SORCS2: variants seen among roughly 807,000 people sequenced by gnomAD.
SORCS2 encodes the protein VPS10 domain-containing receptor SorCS2.
SORCS2 carries 100 observed loss-of-function variants against 141.6 expected under a neutral mutation model. That is an observed-to-expected ratio of 0.71 (90% CI 0.60 to 0.83). The LOEUF (loss-of-function observed/expected upper bound fraction) is 0.83, where lower values mean the gene tolerates loss of function less well. SORCS2 is among the 40% of genes least tolerant of loss of function. The probability of loss-of-function intolerance (pLI) is 0.00; values close to 1 mark genes in which losing one functional copy is unlikely to be tolerated. For synonymous variants in SORCS2, 789 were observed against 676.9 expected (o/e 1.17, Z -2.57); for missense variants, 1,646 against 1,560.2 (o/e 1.05, Z -0.93).
chr4:7,257,815 G>A (rs760002705), intron 1 of SORCS2, among the ~76,000 whole-genome samples: 18 of 152,202 alleles, frequency 1.2e-4, no homozygotes, highest in Admixed American at 4.6e-4. Flanking sequence ...TGCTTACCTG[G>A]CCTCCCTGGC....
intron 1 of SORCS2, among the ~76,000 whole-genome samples, chr4:7,334,708 C>T (rs547860087): frequency 9.9e-5 from 15 of 152,266 alleles, no homozygotes; most frequent in African/African-American, 3.6e-4. Context: ...CACCGACCAA[C>T]CCAAGGCAGC....
At chr4:7,517,641 G>A (rs1192144214) in intron 2 of SORCS2, among the ~76,000 whole-genome samples, 1 of 152,166 alleles carries the variant, frequency 6.6e-6, no homozygotes, top group Non-Finnish European at 1.5e-5. Context: ...GCTCTCCTTT[G>A]AAAAATATTG....
At chr4:7,578,168 AC>A (rs1202044732) in intron 3 of SORCS2, among the ~76,000 whole-genome samples, 13 of 152,242 alleles carry the variant, frequency 8.5e-5, no homozygotes, top group African/African-American at 2.9e-4. Context: ...AGCAGGTTGT[AC>A]CTTTCATGTT....
intron 1 of SORCS2, among the ~76,000 whole-genome samples, chr4:7,244,693 C>G (rs1372499050): frequency 6.6e-6 from 1 of 152,214 alleles, no homozygotes; most frequent in Non-Finnish European, 1.5e-5. Context: ...CCTACTCTGA[C>G]ACTCTCACCC....
At position 7,607,457 on chromosome 4, in the gene SORCS2, C is replaced by A. The variant is rs542342592; in HGVS notation, c.649-30871C>A. On this transcript the variant is annotated intron_variant, in intron 3 of 26. Coordinates refer to ENST00000507866, the MANE Select transcript of SORCS2 (RefSeq NM_020777.3). ...CTTCCTCCGTGAAGCCCTCCATAAG[C>A]CCCCTTTGACCTCCCGCCCCACCTG... 2.0e-4 allele frequency among the ~76,000 whole-genome samples: 30 copies of A among 152,236 alleles called. No homozygotes were observed. The South Asian group carries it at 5.8e-3, about 30-fold the overall frequency.
intron 1 of SORCS2, among the ~76,000 whole-genome samples, chr4:7,354,146 T>C (rs1721112152): frequency 6.6e-6 from 1 of 152,146 alleles, no homozygotes; most frequent in South Asian, 2.1e-4. Context: ...CCCTGTGGCA[T>C]TGTAATGACC....
intron 12 of SORCS2, among the ~76,000 whole-genome samples, chr4:7,698,781 C>A (rs1724864484): frequency 6.6e-6 from 1 of 152,076 alleles, no homozygotes; most frequent in African/African-American, 2.4e-5. Context: ...GCTTGCCTGG[C>A]TGGCGGTACA....
intron 2 of SORCS2, among the ~76,000 whole-genome samples, chr4:7,500,722 G>A (rs1009589321): frequency 2.6e-5 from 4 of 152,112 alleles, no homozygotes; most frequent in South Asian, 2.1e-4. Flanking sequence ...ATCGCACGTC[G>A]TCCAAGAGGA....
At chr4:7,572,840 G>T (rs750660993) in intron 3 of SORCS2, among the ~76,000 whole-genome samples, 33 of 152,206 alleles carry the variant, frequency 2.2e-4, no homozygotes, top group Non-Finnish European at 4.3e-4. Context: ...TGGTTTGGAA[G>T]ACTTTTAAAG....
At chr4:7,580,584 G>A (rs141604688) in intron 3 of SORCS2, among the ~76,000 whole-genome samples, 2 of 152,208 alleles carry the variant, frequency 1.3e-5, no homozygotes, top group African/African-American at 4.8e-5. Context: ...AAGTTTCAGG[G>A]ATATATTAAT....
At chr4:7,319,929 A>C (rs1426933370) in intron 1 of SORCS2, among the ~76,000 whole-genome samples, 1 of 152,020 alleles carries the variant, frequency 6.6e-6, no homozygotes, top group Non-Finnish European at 1.5e-5. Flanking sequence ...TCTTTCTTTT[A>C]TGTTATTTTC....
chr4:7,234,157 T>G (rs560240991), intron 1 of SORCS2, among the ~76,000 whole-genome samples: 51 of 152,358 alleles, frequency 3.3e-4, no homozygotes, highest in African/African-American at 1.2e-3. Flanking sequence ...GTCATCACAG[T>G]GGCAGGTTCT....
chr4:7,320,851 C>CCTCCCTT (rs1560190144), intron 1 of SORCS2, among the ~76,000 whole-genome samples: 5 of 151,686 alleles, frequency 3.3e-5, no homozygotes, highest in African/African-American at 1.2e-4. Flanking sequence ...ATGGGACCCA[C>CCTCCCTT]CCTCCCTTCC....
At chr4:7,549,259 A>G (rs184557032) in intron 3 of SORCS2, among the ~76,000 whole-genome samples, 158 of 152,170 alleles carry the variant, frequency 1.0e-3, no homozygotes, top group African/African-American at 3.5e-3. Context: ...AAAAATCTCA[A>G]ACTCCTCCTT....
chr4:7,541,691 A>G (rs540070781), intron 3 of SORCS2, among the ~76,000 whole-genome samples: 1 of 152,322 alleles, frequency 6.6e-6, no homozygotes, highest in East Asian at 1.9e-4. Context: ...CCTTTTAAGC[A>G]TCATGTTGCA....
At chr4:7,302,955 C>T (rs1378885102) in intron 1 of SORCS2, among the ~76,000 whole-genome samples, 1 of 152,178 alleles carries the variant, frequency 6.6e-6, no homozygotes, top group Non-Finnish European at 1.5e-5. Context: ...CCCCTAGCTG[C>T]GTGGGGGCCG....
At chr4:7,440,319 G>A (rs1168371558) in intron 2 of SORCS2, among the ~76,000 whole-genome samples, 1 of 152,224 alleles carries the variant, frequency 6.6e-6, no homozygotes, top group Admixed American at 6.5e-5. Context: ...GACAGAGTCT[G>A]CCTGCGGCTT....
intron 1 of SORCS2, among the ~76,000 whole-genome samples, chr4:7,262,743 G>A (rs1714446031): frequency 6.6e-6 from 1 of 152,188 alleles, no homozygotes; most frequent in African/African-American, 2.4e-5. Context: ...ACACTGACAC[G>A]ACCTCCACAC....
At chr4:7,206,045 C>CAAAACA (rs537967545) in intron 1 of SORCS2, among the ~76,000 whole-genome samples, 15 of 151,822 alleles carry the variant, frequency 9.9e-5, no homozygotes, top group Admixed American at 3.3e-4. Context: ...GACTCCATCT[C>CAAAACA]AAAACAAAAA....
Sources: allele counts gnomAD v4.1 joint callset (sites outside exome capture counted in the v4.1 genomes callset), GRCh38; gene constraint gnomAD v4.1.1; transcripts MANE v1.5; gene names NCBI Gene and HGNC (gene_info 2026-07-23, HGNC 2026-07-21).